SENP7: variants seen among roughly 807,000 people sequenced by gnomAD.
SENP7 encodes sentrin-specific protease 7.
In SENP7, 64 loss-of-function variants were observed where a neutral mutation model predicts 141.2. The ratio of observed to expected loss-of-function variants is 0.45; its 90% confidence interval spans 0.37 to 0.56. The LOEUF is 0.56. SENP7 is among the 20% of genes least tolerant of loss of function. The pLI is 0.00. For synonymous variants in SENP7, 382 were observed against 426.4 expected (o/e 0.90, Z 1.28); for missense variants, 1,025 against 1,212.2 (o/e 0.85, Z 2.29).
At chr3:101,371,406 A>G (rs768428726) in intron 7 of SENP7, among the ~76,000 whole-genome samples, 5 of 152,256 alleles carry the variant, frequency 3.3e-5, no homozygotes, top group Non-Finnish European at 5.9e-5. Flanking sequence ...TAAAGGTGTT[A>G]GTTTCACAAA....
intron 6 of SENP7, among the ~76,000 whole-genome samples, chr3:101,390,652 T>C (rs1406701491): frequency 6.6e-6 from 1 of 152,130 alleles, no homozygotes; most frequent in Non-Finnish European, 1.5e-5. Flanking sequence ...ACAAAAATAA[T>C]GGGGGATTTC....
intron 13 of SENP7, among the ~76,000 whole-genome samples, chr3:101,344,619 A>C (rs552438758): frequency 1.3e-5 from 2 of 152,308 alleles, no homozygotes; most frequent in African/African-American, 4.8e-5. Context: ...CTCCTTCAGG[A>C]GCTGGAGACT....
At chr3:101,457,150 C>T (rs2063380595) in intron 4 of SENP7, 2 of 877,718 alleles carry the variant, frequency 2.3e-6, no homozygotes, top group Non-Finnish European at 3.7e-6. Flanking sequence ...TTTATCAGAT[C>T]CATAAACAAA....
intron 10 of SENP7, among the ~76,000 whole-genome samples, chr3:101,362,248 T>G (rs993250358): frequency 3.9e-5 from 6 of 152,202 alleles, no homozygotes; most frequent in Non-Finnish European, 8.8e-5. Flanking sequence ...ATTATCTCTT[T>G]TAATCCCCAC....
chr3:101,396,788 G>C (rs144307232), intron 6 of SENP7, among the ~76,000 whole-genome samples: 1 of 152,222 alleles, frequency 6.6e-6, no homozygotes, highest in Non-Finnish European at 1.5e-5. Flanking sequence ...CAGAGGAGGT[G>C]GAAATAAACA....
intron 5 of SENP7, among the ~76,000 whole-genome samples, chr3:101,400,869 A>G (rs1437157195): frequency 1.3e-5 from 2 of 152,014 alleles, no homozygotes; most frequent in East Asian, 1.9e-4. Flanking sequence ...TCAAGGTGGG[A>G]CAATCACTTG....
chr3:101,407,491 T>A (rs894964574), intron 5 of SENP7, among the ~76,000 whole-genome samples: 1 of 152,162 alleles, frequency 6.6e-6, no homozygotes, highest in Admixed American at 6.5e-5. Flanking sequence ...TATGTTCTAT[T>A]CAACAGCACA....
chr3:101,344,003 G>T (rs932347323), intron 13 of SENP7, 49 bp from the exon 14 acceptor site: 4 of 1,178,760 alleles, frequency 3.4e-6, no homozygotes, highest in Non-Finnish European at 4.7e-6. Context: ...TTTTCAAGAG[G>T]ATTATAATAC....
intron 3 of SENP7, among the ~76,000 whole-genome samples, chr3:101,463,400 T>TATATATATAC (rs2063648811): frequency 5.1e-5 from 4 of 77,994 alleles, no homozygotes; most frequent in Admixed American, 3.2e-4. Context: ...TATATATACA[T>TATATATATAC]ATATATATAT....
At chr3:101,364,088 C>G (rs545760996) in intron 10 of SENP7, among the ~76,000 whole-genome samples, 3 of 152,142 alleles carry the variant, frequency 2.0e-5, no homozygotes, top group African/African-American at 7.2e-5. Flanking sequence ...ATTAGCCAGG[C>G]TTGCTGGCAT....
chr3:101,444,466 A>C (rs1426516124), intron 4 of SENP7, among the ~76,000 whole-genome samples: 1 of 152,042 alleles, frequency 6.6e-6, no homozygotes, highest in Non-Finnish European at 1.5e-5. Flanking sequence ...GGCATTATTC[A>C]CAATAGCAAA....
chr3:101,367,928 C>G lies in SENP7; in HGVS notation c.880G>C (p.Glu294Gln), dbSNP rs2060079966. The change falls in exon 8 of 24, where the codon GAA becomes CAA. Residue 294 changes from glutamate to glutamine, a missense_variant. Glu to Gln is a conservative substitution (Grantham distance 29). Around this residue, in one of 4 missense-constraint regions of SENP7, gnomAD observed 496 missense variants for 503.5 expected, o/e 0.99. Coordinates refer to ENST00000394095, the MANE Select transcript of SENP7 (RefSeq NM_020654.5). ...GTCTTCCTGGAAATCAGAGTGAGTT[C>G]CACTTTTGAATCAGAATATTTAACA... is the stretch of plus-strand genomic sequence containing the variant. ...KDVKYSDSKV[E>Q]LTLISRKTKR... 1 of 1,612,338 alleles carries G rather than the reference C, an allele frequency of 6.2e-7. No individual in the cohort carries two copies. The highest frequency in any genetic ancestry group is 8.5e-7 in the Non-Finnish European group (1 of 1,178,682).
At chr3:101,434,891 G>A (rs2062323510) in intron 4 of SENP7, among the ~76,000 whole-genome samples, 1 of 151,974 alleles carries the variant, frequency 6.6e-6, no homozygotes, top group South Asian at 2.1e-4. Context: ...AAAAAGAGAG[G>A]AGGAGGGAAT....
intron 3 of SENP7, among the ~76,000 whole-genome samples, chr3:101,481,653 T>C (rs983398536): frequency 1.5e-4 from 23 of 152,340 alleles, no homozygotes; most frequent in Middle Eastern, 3.4e-3. Context: ...CTTGAAATGT[T>C]CTCAATACAT....
rs2064534698 is a variant in SENP7, at chr3:101,482,491, A to G, written c.186+11382T>C. 2.0e-5 allele frequency among the ~76,000 whole-genome samples: 3 copies of G among 152,210 alleles called. No individual in the cohort carries two copies. The South Asian group carries it at 6.2e-4, about 32-fold the overall frequency. ...TATTATTCAGATGTCATGTCTTCACAAGTTGATCAACAGATTCAATGCAAT... is the reference window on the plus strand; with the variant it reads ...TATTATTCAGATGTCATGTCTTCACGAGTTGATCAACAGATTCAATGCAAT... On this transcript the variant is annotated intron_variant, in intron 3 of 23. Coordinates refer to ENST00000394095, the MANE Select transcript of SENP7 (RefSeq NM_020654.5).
At chr3:101,455,869 T>G (rs985469756) in intron 4 of SENP7, among the ~76,000 whole-genome samples, 9 of 152,222 alleles carry the variant, frequency 5.9e-5, no homozygotes, top group African/African-American at 2.2e-4. Context: ...ATCCTAACCA[T>G]CCCATTTCAC....
intron 4 of SENP7, among the ~76,000 whole-genome samples, chr3:101,430,089 C>T (rs2062106369): frequency 6.6e-6 from 1 of 151,780 alleles, no homozygotes. Flanking sequence ...TTCGGTTTGC[C>T]CATATTTTAT....
chr3:101,344,455 A>G (rs948823146), intron 13 of SENP7, among the ~76,000 whole-genome samples: 1 of 152,188 alleles, frequency 6.6e-6, no homozygotes, highest in African/African-American at 2.4e-5. Flanking sequence ...TCCTAGTAGA[A>G]GTAATTAGGA....
intron 7 of SENP7, among the ~76,000 whole-genome samples, chr3:101,371,466 T>C (rs2060178757): frequency 6.6e-6 from 1 of 152,208 alleles, no homozygotes; most frequent in African/African-American, 2.4e-5. Flanking sequence ...AAAATATTTT[T>C]AATTCTTGAA....
Sources: allele counts gnomAD v4.1 joint callset (sites outside exome capture counted in the v4.1 genomes callset), GRCh38; gene constraint gnomAD v4.1.1; regional missense constraint gnomAD v4.1.1; transcripts MANE v1.5; gene names NCBI Gene and HGNC (gene_info 2026-07-23, HGNC 2026-07-21).